Variants in KCNQ1OT1 observed in about 807,000 individuals in gnomAD.
KCNQ1OT1 encodes the protein KCNQ1 antisense RNA 2 (non-protein coding).
At position 2,679,870 on chromosome 11, in the gene KCNQ1OT1, A is replaced by C. The variant is rs1850359794; in HGVS notation, n.20125T>G. 5.0e-6 allele frequency: 2 copies of C among 398,354 alleles called. No homozygotes were observed. The highest frequency in any genetic ancestry group is 8.8e-6 in the Non-Finnish European group (2 of 226,040). 24.7% of individuals were successfully genotyped at this position (398,354 alleles called of 1,614,324 possible). On this transcript the variant is annotated non_coding_transcript_exon_variant, in exon 1 of 1. Coordinates refer to ENST00000597346, the Ensembl canonical transcript of KCNQ1OT1. This position sits in a 1 kb window ranked among gnomAD's most constrained non-coding sequence, Gnocchi z 4.8. ...ACATGCATTTTTTTCATATAAACTTAGAACTAGCACGCCTAATTTTTTTTT... is the reference window on the plus strand; with the variant it reads ...ACATGCATTTTTTTCATATAAACTTCGAACTAGCACGCCTAATTTTTTTTT...
At position 2,688,512 on chromosome 11, in the gene KCNQ1OT1, A is replaced by G. The variant is rs749967365; in HGVS notation, n.11483T>C. 155 of 398,560 alleles carry G rather than the reference A, an allele frequency of 3.9e-4. No individual in the cohort carries two copies. The highest frequency in any genetic ancestry group is 5.9e-4 in the Non-Finnish European group (134 of 226,132). The allele number at this position is 398,560 out of a possible 1,614,324, so 24.7% of individuals were successfully genotyped here. ...GTTGCCCTGCTCTGGGTGATGAGGT[A>G]GAGGTCACACAGCCAGGCCAGTGGC... On this transcript the variant is annotated non_coding_transcript_exon_variant, in exon 1 of 1. Transcript: ENST00000597346.
At chr11:2,637,319 A>G (rs930024516) in exon 1 of KCNQ1OT1, 23 of 152,142 alleles carry the variant, frequency 1.5e-4, no homozygotes, top group African/African-American at 5.6e-4. Flanking sequence ...GTGGGCATTT[A>G]GTGCTATAAA....
At chr11:2,609,298 A>G (rs1848936023) in exon 1 of KCNQ1OT1, 1 of 398,356 alleles carries the variant, frequency 2.5e-6, no homozygotes, top group Non-Finnish European at 4.4e-6. Flanking sequence ...TTAAGAATGT[A>G]GTGTTGTTTA....
At chr11:2,610,096 T>A in exon 1 of KCNQ1OT1, 1 of 397,970 alleles carries the variant, frequency 2.5e-6, no homozygotes, top group African/African-American at 2.1e-5. Flanking sequence ...CTATTTCTCC[T>A]TTGCTGCTTT....
Position 2,679,057 on chromosome 11 carries a change from CA to C in KCNQ1OT1, n.20937del. The C allele has an allele frequency of 2.5e-6, 1 of 398,500 alleles. No homozygotes were observed. Among genetic ancestry groups the C allele is most frequent in the East Asian group, 3.6e-5 (1 of 28,084 alleles). 24.7% of individuals were successfully genotyped at this position (398,500 alleles called of 1,614,324 possible). On this transcript the variant is annotated non_coding_transcript_exon_variant, in exon 1 of 1. Coordinates refer to ENST00000597346, the Ensembl canonical transcript of KCNQ1OT1. The surrounding 1 kb of genome is among the most constrained non-coding windows in gnomAD (Gnocchi z 4.8). ...CCAGCCCCTCCTCCATACCAACCAC[CA>C]AAAAAACCCACTAACACCATAAAGT...
chr11:2,698,355 A>C lies in KCNQ1OT1; in HGVS notation n.1640T>G. On this transcript the variant is annotated non_coding_transcript_exon_variant, in exon 1 of 1. Transcript: ENST00000597346. The surrounding 1 kb of genome is among the most constrained non-coding windows in gnomAD (Gnocchi z 5.1). Reference sequence around the variant, plus strand: ...GGCACTCTTACTCTCAATTTTATATAAAAGGCTATTTGACCTGCTCAGGGA... The same window carrying C: ...GGCACTCTTACTCTCAATTTTATATCAAAGGCTATTTGACCTGCTCAGGGA... The C allele has an allele frequency of 2.5e-6, 1 of 398,638 alleles. No individual in the cohort carries two copies. The highest frequency in any genetic ancestry group is 4.4e-6 in the Non-Finnish European group (1 of 226,072). 24.7% of individuals were successfully genotyped at this position (398,638 alleles called of 1,614,324 possible).
rs552495591 is a variant in KCNQ1OT1 at position 2,617,778 on chromosome 11, C to A, written n.82217G>T. The A allele has an allele frequency of 2.5e-6, 1 of 398,308 alleles. No individual in the cohort carries two copies. 24.7% of individuals were successfully genotyped at this position (398,308 alleles called of 1,614,324 possible). ...GTAATTTTGATTTGCATTTCCCTGACGATTAGTGATGTTAAATGTCTTTTC... is the reference window on the plus strand; with the variant it reads ...GTAATTTTGATTTGCATTTCCCTGAAGATTAGTGATGTTAAATGTCTTTTC... On this transcript the variant is annotated non_coding_transcript_exon_variant, in exon 1 of 1. Coordinates refer to ENST00000597346, the Ensembl canonical transcript of KCNQ1OT1. The surrounding 1 kb of genome is among the most constrained non-coding windows in gnomAD (Gnocchi z 4.6).
chr11:2,640,207 C>A, exon 1 of KCNQ1OT1: 1 of 393,360 alleles, frequency 2.5e-6, no homozygotes, highest in Non-Finnish European at 4.5e-6. Context: ...GGGCTGCACC[C>A]ACTGTCCTGT....
rs1590016300 is a variant in KCNQ1OT1 at position 2,663,346 on chromosome 11, T to G, written n.36649A>C. The G allele has an allele frequency of 2.5e-6, 1 of 398,748 alleles. No homozygotes were observed. The highest frequency in any genetic ancestry group is 4.4e-6 in the Non-Finnish European group (1 of 226,192). The allele number at this position is 398,748 out of a possible 1,614,324, so 24.7% of individuals were successfully genotyped here. On this transcript the variant is annotated non_coding_transcript_exon_variant, in exon 1 of 1. Coordinates refer to ENST00000597346, the Ensembl canonical transcript of KCNQ1OT1. The surrounding 1 kb of genome is among the most constrained non-coding windows in gnomAD (Gnocchi z 5.2). ...AGGAGCAGAGGTGTGAGCAGGCTGGTAGCCAGATGGGCTGCCCAGGTACAG... is the reference window on the plus strand; with the variant it reads ...AGGAGCAGAGGTGTGAGCAGGCTGGGAGCCAGATGGGCTGCCCAGGTACAG...
exon 1 of KCNQ1OT1, chr11:2,622,267 C>G: frequency 2.5e-6 from 1 of 398,348 alleles, no homozygotes; most frequent in Non-Finnish European, 4.4e-6. Flanking sequence ...ATTGCGAAGT[C>G]TTGAGTAATT....
rs1355777887 is a variant in KCNQ1OT1 at position 2,653,651 on chromosome 11, C to G, written n.46344G>C. ...TTAGGCAGCTACTTTCTAAAAGGGG[C>G]AAAATGGCCACCAGCTTGCATTCAA... On this transcript the variant is annotated non_coding_transcript_exon_variant, in exon 1 of 1. Coordinates refer to ENST00000597346, the Ensembl canonical transcript of KCNQ1OT1. This position sits in a 1 kb window ranked among gnomAD's most constrained non-coding sequence, Gnocchi z 5.3. 5.0e-6 allele frequency: 2 copies of G among 398,690 alleles called. No homozygotes were observed. The highest frequency in any genetic ancestry group is 1.3e-4 in the South Asian group (1 of 7,862). 24.7% of individuals were successfully genotyped at this position (398,690 alleles called of 1,614,324 possible).
Position 2,659,184 on chromosome 11 carries a change from C to A in KCNQ1OT1, n.40811G>T. Reference sequence around the variant, plus strand: ...GTGGGTTTTGACAGATGTCTGGAGTCATGTGTCCACAATCCAGTATCATTC... The same window carrying A: ...GTGGGTTTTGACAGATGTCTGGAGTAATGTGTCCACAATCCAGTATCATTC... On this transcript the variant is annotated non_coding_transcript_exon_variant, in exon 1 of 1. Coordinates refer to ENST00000597346, the Ensembl canonical transcript of KCNQ1OT1. This position sits in a 1 kb window ranked among gnomAD's most constrained non-coding sequence, Gnocchi z 4.3. The A allele has an allele frequency of 2.5e-6, 1 of 398,586 alleles. No individual in the cohort carries two copies. Among genetic ancestry groups the A allele is most frequent in the South Asian group, 1.3e-4 (1 of 7,854 alleles). The allele number at this position is 398,586 out of a possible 1,614,324, so 24.7% of individuals were successfully genotyped here.
chr11:2,675,659 G>A (rs2073955), exon 1 of KCNQ1OT1: 7 of 398,492 alleles, frequency 1.8e-5, no homozygotes, highest in African/African-American at 4.1e-5. Flanking sequence ...CTAGGAGCCC[G>A]CCCAGGGCCT....
In KCNQ1OT1 at chr11:2,622,550, T is replaced by C. The variant is rs114489233; in HGVS notation, n.77445A>G. On this transcript the variant is annotated non_coding_transcript_exon_variant, in exon 1 of 1. Transcript: ENST00000597346. ...TTAATCGACTTACATTTAAAGTACTTACTTATAAAAAAGAAGTTCTGACAT... is the reference window on the plus strand; with the variant it reads ...TTAATCGACTTACATTTAAAGTACTCACTTATAAAAAAGAAGTTCTGACAT... 6.9e-3 allele frequency: 2,768 copies of C among 398,446 alleles called. 58 individuals carry two copies. Among genetic ancestry groups the C allele is most frequent in the African/African-American group, 0.049 (2,367 of 48,708 alleles). 24.7% of individuals were successfully genotyped at this position (398,446 alleles called of 1,614,324 possible).
exon 1 of KCNQ1OT1, chr11:2,666,453 T>A: frequency 2.5e-6 from 1 of 398,718 alleles, no homozygotes. Flanking sequence ...AACTTTCTCC[T>A]GGACCCTGCA....
In KCNQ1OT1 at chr11:2,658,634, G is replaced by A. The variant is rs528809956; in HGVS notation, n.41361C>T. 4 of 398,404 alleles carry A rather than the reference G, an allele frequency of 1.0e-5. No individual in the cohort carries two copies. Among genetic ancestry groups the A allele is most frequent in the South Asian group, 2.6e-4 (2 of 7,828 alleles). 24.7% of individuals were successfully genotyped at this position (398,404 alleles called of 1,614,324 possible). On this transcript the variant is annotated non_coding_transcript_exon_variant, in exon 1 of 1. Coordinates refer to ENST00000597346, the Ensembl canonical transcript of KCNQ1OT1. The surrounding 1 kb of genome is among the most constrained non-coding windows in gnomAD (Gnocchi z 4.9). ...CTGGATCTAGGCACGGGGTATGCTC[G>A]TGGCTACTAGGGTATCATTGCTTCA...
At chr11:2,609,147 A>T (rs1397968006) in exon 1 of KCNQ1OT1, 1 of 398,168 alleles carries the variant, frequency 2.5e-6, no homozygotes, top group Non-Finnish European at 4.4e-6. Context: ...TTATTTTTTG[A>T]TATAGGCATT....
At position 2,674,363 on chromosome 11, in the gene KCNQ1OT1, A is replaced by G. The variant is rs1850248949; in HGVS notation, n.25632T>C. ...TGAATTCCATTCGCTCTTGGCAAAG[A>G]GCAGCTTCCTGCTTAGGGAAGGTGC... is the stretch of plus-strand genomic sequence containing the variant. On this transcript the variant is annotated non_coding_transcript_exon_variant, in exon 1 of 1. Transcript: ENST00000597346. This position sits in a 1 kb window ranked among gnomAD's most constrained non-coding sequence, Gnocchi z 5.9. 2 of 377,804 alleles carry G rather than the reference A, an allele frequency of 5.3e-6. No homozygotes were observed. Among genetic ancestry groups the G allele is most frequent in the Non-Finnish European group, 9.4e-6 (2 of 213,400 alleles). The allele number at this position is 377,804 out of a possible 1,614,324, so 23.4% of individuals were successfully genotyped here. A position where few individuals can be genotyped will look rare whatever the true frequency, so the allele number is the denominator to read the frequency against.
Position 2,666,480 on chromosome 11 carries a change from C to T in KCNQ1OT1, n.33515G>A, listed in dbSNP as rs147039829. On this transcript the variant is annotated non_coding_transcript_exon_variant, in exon 1 of 1. Coordinates refer to ENST00000597346, the Ensembl canonical transcript of KCNQ1OT1. ...GACCCTGCAGAATCTCACGCCAAGA[C>T]ATTCGAGTTGCTCTTTTCCAGCAAG... 2.8e-3 allele frequency: 1,132 copies of T among 398,696 alleles called. 4 individuals are homozygous for T. The highest frequency in any genetic ancestry group is 4.3e-3 in the Non-Finnish European group (974 of 226,092). 24.7% of individuals were successfully genotyped at this position (398,696 alleles called of 1,614,324 possible). A position where few individuals can be genotyped will look rare whatever the true frequency, so the allele number is the denominator to read the frequency against.
Sources: allele counts gnomAD v4.1 joint callset, GRCh38; gene constraint gnomAD v4.1.1; non-coding constraint Gnocchi (gnomAD v3.1); transcripts MANE v1.5; gene names NCBI Gene and HGNC (gene_info 2026-07-23, HGNC 2026-07-21).